TRDN: variants seen among roughly 807,000 people sequenced by gnomAD.
The protein encoded by TRDN is triadin in skeletal muscle.
TRDN carries 161 observed loss-of-function variants against 149.7 expected under a neutral mutation model. That is an observed-to-expected ratio of 1.08 (90% CI 0.95 to 1.23). TRDN has a LOEUF of 1.23. Ranked by LOEUF, TRDN falls within the 50% of genes most tolerant of loss-of-function variation. The pLI, the probability that TRDN is intolerant of heterozygous loss-of-function variation, is 0.00. For missense variants in TRDN, 896 were observed against 823.5 expected, an observed-to-expected ratio of 1.09 and a Z score of -1.08; for synonymous variants, 294 against 250.5, an observed-to-expected ratio of 1.17 and a Z score of -1.64.
intron 24 of TRDN, among the ~76,000 whole-genome samples, chr6:123,295,620 C>A (rs995195126): frequency 7.2e-5 from 11 of 152,106 alleles, no homozygotes; most frequent in African/African-American, 2.7e-4. Flanking sequence ...ACTCTTTCTA[C>A]AATGCATCCA....
chr6:123,284,887 G>A (rs921920653), intron 24 of TRDN, among the ~76,000 whole-genome samples: 10 of 151,982 alleles, frequency 6.6e-5, no homozygotes, highest in South Asian at 4.2e-4. Flanking sequence ...GCTGAGACTC[G>A]AATCAAGAAC....
At chr6:123,272,525 T>C (rs769918931) in intron 29 of TRDN, among the ~76,000 whole-genome samples, 4 of 151,656 alleles carry the variant, frequency 2.6e-5, no homozygotes, top group Non-Finnish European at 5.9e-5. Context: ...GAAGGAAGGG[T>C]GAAGAAAATA....
chr6:123,548,149 G>A (rs564004555), intron 3 of TRDN, among the ~76,000 whole-genome samples: 14 of 152,088 alleles, frequency 9.2e-5, no homozygotes, highest in East Asian at 1.9e-4. Flanking sequence ...GCATATAAAT[G>A]TGAGTTTGTA....
chr6:123,393,601 T>C, intron 13 of TRDN, 23 bp downstream of exon 13: 9 of 1,582,784 alleles, frequency 5.7e-6, no homozygotes, highest in Non-Finnish European at 7.7e-6. Context: ...AGGCAATGCT[T>C]TTTAAAGTGT....
At chr6:123,537,309 ATATT>A (rs1780599421) in intron 4 of TRDN, among the ~76,000 whole-genome samples, 4 of 152,238 alleles carry the variant, frequency 2.6e-5, no homozygotes, top group African/African-American at 9.6e-5. Flanking sequence ...ACTTGTCTCT[ATATT>A]TATGGTATTC....
At chr6:123,292,101 G>A (rs12660730) in intron 24 of TRDN, among the ~76,000 whole-genome samples, 1 of 151,922 alleles carries the variant, frequency 6.6e-6, no homozygotes, top group Non-Finnish European at 1.5e-5. Flanking sequence ...CATTCCCTTC[G>A]GCCCATGGAT....
intron 20 of TRDN, among the ~76,000 whole-genome samples, chr6:123,357,494 AC>A (rs1780729342): frequency 1.3e-5 from 2 of 152,170 alleles, no homozygotes; most frequent in African/African-American, 4.8e-5. Flanking sequence ...AGAGAATAGG[AC>A]CAAATGCAGA....
At chr6:123,269,332 T>C (rs909418820) in intron 31 of TRDN, among the ~76,000 whole-genome samples, 1 of 152,066 alleles carries the variant, frequency 6.6e-6, no homozygotes, top group Non-Finnish European at 1.5e-5. Flanking sequence ...TATAATTAAA[T>C]GGATTTCTAA....
At chr6:123,557,717 G>A (rs1032219633) in intron 2 of TRDN, among the ~76,000 whole-genome samples, 11 of 151,996 alleles carry the variant, frequency 7.2e-5, no homozygotes, top group African/African-American at 2.4e-4. Flanking sequence ...ACCCTTAGCA[G>A]CAAGCACCGC....
chr6:123,500,807 C>G (rs916708680), intron 8 of TRDN, among the ~76,000 whole-genome samples: 7 of 152,114 alleles, frequency 4.6e-5, no homozygotes, highest in African/African-American at 1.7e-4. Context: ...GGATGGGGCA[C>G]ATGTGGTCCA....
intron 1 of TRDN, among the ~76,000 whole-genome samples, chr6:123,574,841 C>G (rs1260133378): frequency 8.7e-6 from 1 of 115,430 alleles, no homozygotes. Flanking sequence ...TAAAACAGAA[C>G]ATGAATTTAT....
intron 35 of TRDN, 92 bp downstream of exon 35, chr6:123,259,530 CTG>C: frequency 1.2e-6 from 1 of 809,736 alleles, no homozygotes; most frequent in Non-Finnish European, 2.0e-6. Context: ...TTTTCATCAA[CTG>C]TTTTTAAATC....
chr6:123,415,597 G>A (rs1773616982), intron 12 of TRDN, among the ~76,000 whole-genome samples: 2 of 152,118 alleles, frequency 1.3e-5, no homozygotes, highest in African/African-American at 2.4e-5. Flanking sequence ...TATAAAAATA[G>A]TAAGTGTACT....
At chr6:123,549,038 A>G (rs1233659250) in intron 2 of TRDN, among the ~76,000 whole-genome samples, 2 of 152,058 alleles carry the variant, frequency 1.3e-5, no homozygotes, top group Non-Finnish European at 2.9e-5. Flanking sequence ...CAAGTTGACT[A>G]AGGTAGTTGT....
rs941523048 is a variant in TRDN, at chr6:123,548,587, T to C, written c.258A>G (p.Ser86=). 6.7e-7 allele frequency: 1 copy of C among 1,499,652 alleles called. No homozygotes were observed. The highest frequency in any genetic ancestry group is 2.3e-5 in the Admixed American group (1 of 43,868). 92.9% of individuals were successfully genotyped at this position (1,499,652 alleles called of 1,614,324 possible). ...FSASSIAKIG[S]DPLKLVRDAM... The stretch of plus-strand genomic sequence containing the variant: ...CATCACGTACCAGTTTTAAAGGATC[T>C]GAGCCAATCTTGGCAATAGAGCTTG... Residue 86 remains serine (S), a synonymous_variant, in exon 3 of 41, where the codon TCA becomes TCG. Coordinates refer to ENST00000334268, the MANE Select transcript of TRDN (RefSeq NM_006073.4).
At chr6:123,265,235 T>C in intron 33 of TRDN, 83 bp downstream of exon 33, 1 of 1,062,600 alleles carries the variant, frequency 9.4e-7, no homozygotes. Flanking sequence ...CCATACTATT[T>C]AACTTCAGTT....
At chr6:123,377,444 G>A (rs1282902183) in intron 18 of TRDN, among the ~76,000 whole-genome samples, 4 of 152,016 alleles carry the variant, frequency 2.6e-5, no homozygotes, top group African/African-American at 9.7e-5. Flanking sequence ...TCTTGAGTGG[G>A]GCCAAAAATC....
At chr6:123,351,953 T>C in intron 21 of TRDN, 1 of 980,100 alleles carries the variant, frequency 1.0e-6, no homozygotes. Context: ...GTGATCTATT[T>C]ATGATATAAC....
At chr6:123,428,676 T>C (rs1486510993) in intron 12 of TRDN, among the ~76,000 whole-genome samples, 1 of 152,188 alleles carries the variant, frequency 6.6e-6, no homozygotes, top group East Asian at 1.9e-4. Flanking sequence ...TGTGTCTTGG[T>C]CAAATACCTA....
Sources: allele counts gnomAD v4.1 joint callset (sites outside exome capture counted in the v4.1 genomes callset), GRCh38; gene constraint gnomAD v4.1.1; transcripts MANE v1.5; gene names NCBI Gene and HGNC (gene_info 2026-07-23, HGNC 2026-07-21).